B4GALNT2: variants seen among roughly 807,000 people sequenced by gnomAD.
B4GALNT2 encodes the protein N-acetylneuraminylgalactosylglucosyl-glucoside beta-1,4-N- acetylgalactosaminyltransferase 2.
A neutral mutation model predicts 51.1 loss-of-function variants in B4GALNT2; 42 were observed. That is an observed-to-expected ratio of 0.82 (90% CI 0.64 to 1.06). The LOEUF (loss-of-function observed/expected upper bound fraction) is 1.06, where lower values mean the gene tolerates loss of function less well. Ranked by LOEUF, B4GALNT2 falls within the 50% of genes least tolerant of loss-of-function variation. The probability of loss-of-function intolerance (pLI) is 0.00; values close to 1 mark genes in which losing one functional copy is unlikely to be tolerated. For synonymous variants in B4GALNT2, 253 were observed against 251.7 expected, an observed-to-expected ratio of 1.01 and a Z score of -0.05; for missense variants, 602 against 633.6, an observed-to-expected ratio of 0.95 and a Z score of 0.54.
chr17:49,166,593 C>T (rs1163638935), intron 9 of B4GALNT2, among the ~76,000 whole-genome samples: 1 of 152,144 alleles, frequency 6.6e-6, no homozygotes, highest in Non-Finnish European at 1.5e-5. Flanking sequence ...TATCACACAA[C>T]ATTAAAAACA....
At chr17:49,158,896 A>T in intron 5 of B4GALNT2, 141 bp from the exon 6 acceptor site, 3 of 966,574 alleles carry the variant, frequency 3.1e-6, no homozygotes, top group Non-Finnish European at 4.6e-6. Flanking sequence ...AGCCAGCCCT[A>T]CACTGTCAAG....
Position 49,169,884 on chromosome 17 carries a change from G to A in B4GALNT2, c.*156G>A, listed in dbSNP as rs938492565. On this transcript the variant is annotated 3_prime_UTR_variant, in exon 11 of 11. Transcript: ENST00000393354. ...CAGTTACTGGAAGTACCAATCAAAG[G>A]TGAAGGGTCACTGGAAATGAACCAG... The A allele has an allele frequency of 1.5e-6, 1 of 679,450 alleles. No individual in the cohort carries two copies. The highest frequency in any genetic ancestry group is 1.8e-5 in the African/African-American group (1 of 55,326). 42.1% of individuals were successfully genotyped at this position (679,450 alleles called of 1,614,324 possible). A position where few individuals can be genotyped will look rare whatever the true frequency, so the allele number is the denominator to read the frequency against.
chr17:49,125,767 C>T, the B4GALNT2 span, among the ~76,000 whole-genome samples: 15 of 94,702 alleles, frequency 1.6e-4, no homozygotes, highest in African/African-American at 5.3e-4. Context: ...CAGCCCCCCG[C>T]CCGTCCGGCC....
the B4GALNT2 span, among the ~76,000 whole-genome samples, chr17:49,126,421 T>C: frequency 2.6e-5 from 4 of 151,086 alleles, no homozygotes; most frequent in Non-Finnish European, 5.9e-5. Context: ...CTTGTTTATC[T>C]GCTGACCTTC....
chr17:49,120,484 C>G, the B4GALNT2 span, among the ~76,000 whole-genome samples: 2,154 of 144,098 alleles, frequency 0.015, 19 homozygotes, highest in Middle Eastern at 0.031. Flanking sequence ...GTGTGTGTGT[C>G]TGTGTGTGTG....
chr17:49,133,034 C>A (rs1472606004), intron 1 of B4GALNT2: 1 of 1,492,182 alleles, frequency 6.7e-7, no homozygotes, highest in Non-Finnish European at 8.9e-7. Context: ...GAATGGGGAG[C>A]GCTGGCTTTT....
Position 49,169,757 on chromosome 17 carries a change from G to C in B4GALNT2, c.*29G>C. On this transcript the variant is annotated 3_prime_UTR_variant, in exon 11 of 11. Transcript: ENST00000393354. Reference sequence around the variant, plus strand: ...TGTGAGGGCATAGGAGAAACACTAGGCTGGCTGGTTATGGTATCTATAGCA... The same window carrying C: ...TGTGAGGGCATAGGAGAAACACTAGCCTGGCTGGTTATGGTATCTATAGCA... 1.3e-6 allele frequency: 2 copies of C among 1,519,900 alleles called. No individual in the cohort carries two copies. Among genetic ancestry groups the C allele is most frequent in the Non-Finnish European group, 1.8e-6 (2 of 1,129,780 alleles). The allele number at this position is 1,519,900 out of a possible 1,614,324, so 94.2% of individuals were successfully genotyped here.
Position 49,174,961 on chromosome 17 carries a change from T to A in B4GALNT2, c.*5233T>A, listed in dbSNP as rs1321564556. ...TGCTCTAGAATTAGAACTTGTGCTA[T>A]CCATTGTTGTAACAAATCTCTTTCC... On this transcript the variant is annotated 3_prime_UTR_variant, in exon 11 of 11. Transcript: ENST00000393354. 2 of 152,200 alleles carry A rather than the reference T, an allele frequency of 1.3e-5. No individual in the cohort carries two copies. Among genetic ancestry groups the A allele is most frequent in the Non-Finnish European group, 2.9e-5 (2 of 68,030 alleles). 9.4% of individuals were successfully genotyped at this position (152,200 alleles called of 1,614,324 possible). A position where few individuals can be genotyped will look rare whatever the true frequency, so the allele number is the denominator to read the frequency against.
chr17:49,147,371 T>C (rs965107102), intron 3 of B4GALNT2, among the ~76,000 whole-genome samples: 1 of 145,990 alleles, frequency 6.8e-6, no homozygotes, highest in Non-Finnish European at 1.5e-5. Flanking sequence ...TTTTCTTTTC[T>C]TTCTTTCTTT....
At chr17:49,135,788 G>A (rs968374160) in intron 1 of B4GALNT2, among the ~76,000 whole-genome samples, 10 of 151,578 alleles carry the variant, frequency 6.6e-5, no homozygotes, top group Non-Finnish European at 1.5e-4. Flanking sequence ...TCCTGGCCCG[G>A]CATGGTGGCT....
At chr17:49,163,401 C>G (rs909305997) in intron 7 of B4GALNT2, among the ~76,000 whole-genome samples, 11 of 152,022 alleles carry the variant, frequency 7.2e-5, no homozygotes. Flanking sequence ...TCTTCCTGGG[C>G]TTCATGACCC....
the B4GALNT2 span, among the ~76,000 whole-genome samples, chr17:49,125,597 G>C: frequency 2.0e-5 from 3 of 151,680 alleles, no homozygotes; most frequent in African/African-American, 7.3e-5. Context: ...ATCTCTGCCC[G>C]GCTGCCCGTC....
chr17:49,139,506 G>T (rs185055121), intron 1 of B4GALNT2, among the ~76,000 whole-genome samples: 1 of 151,950 alleles, frequency 6.6e-6, no homozygotes, highest in African/African-American at 2.4e-5. Context: ...GATTACAGGC[G>T]TGAGACACCA....
intron 5 of B4GALNT2, among the ~76,000 whole-genome samples, chr17:49,157,742 G>A (rs960221264): frequency 2.0e-5 from 3 of 152,298 alleles, no homozygotes; most frequent in East Asian, 1.9e-4. Context: ...GATTACAGGC[G>A]TGAGCCATCG....
chr17:49,169,165 T>A (rs1457837073), intron 10 of B4GALNT2, among the ~76,000 whole-genome samples: 1 of 152,070 alleles, frequency 6.6e-6, no homozygotes, highest in East Asian at 1.9e-4. Context: ...GTCTTCTTCC[T>A]CCTTTCCCAT....
At chr17:49,156,729 A>T in intron 5 of B4GALNT2, 126 bp downstream of exon 5, 1 of 1,038,948 alleles carries the variant, frequency 9.6e-7, no homozygotes, top group East Asian at 2.7e-5. Flanking sequence ...CCAAGGAGGG[A>T]GGGGATGGAA....
chr17:49,130,549 A>G (rs532483236), upstream of B4GALNT2, among the ~76,000 whole-genome samples: 27 of 152,216 alleles, frequency 1.8e-4, no homozygotes, highest in Non-Finnish European at 3.4e-4. Context: ...GGGGCAGGAG[A>G]ATTGCTTGAA....
intron 1 of B4GALNT2, among the ~76,000 whole-genome samples, chr17:49,136,319 G>GA (rs1439755102): frequency 5.9e-5 from 9 of 151,496 alleles, no homozygotes; most frequent in Admixed American, 3.3e-4. Context: ...AAAAAAGAAA[G>GA]AAAAAAGAGA....
chr17:49,169,627 C>T lies in B4GALNT2; in HGVS notation c.1420C>T (p.Leu474=). The change falls in exon 11 of 11, where the codon CTA becomes TTA. Residue 474 remains leucine, a synonymous_variant. Coordinates refer to ENST00000393354, the MANE Select transcript of B4GALNT2 (RefSeq NM_001159387.2). Reference sequence around the variant, plus strand: ...AGTGGTGGACTCAGAACTGGCTGCCCTAGAGAAGACCTACAATACATACCG... The same window carrying T: ...AGTGGTGGACTCAGAACTGGCTGCCTTAGAGAAGACCTACAATACATACCG... The part of the protein sequence containing the change: ...SPVVDSELAA[L]EKTYNTYRSN... 1 of 1,613,294 alleles carries T rather than the reference C, an allele frequency of 6.2e-7. No individual in the cohort carries two copies. The highest frequency in any genetic ancestry group is 8.5e-7 in the Non-Finnish European group (1 of 1,179,882).
Sources: allele counts gnomAD v4.1 joint callset (sites outside exome capture counted in the v4.1 genomes callset), GRCh38; gene constraint gnomAD v4.1.1; transcripts MANE v1.5; gene names NCBI Gene and HGNC (gene_info 2026-07-23, HGNC 2026-07-21).